The following MYCBP2 variants were observed in gnomAD, a reference collection of about 807,000 sequenced individuals.
MYCBP2 encodes the protein E3 ubiquitin-protein ligase MYCBP2.
A neutral mutation model predicts 525.3 loss-of-function variants in MYCBP2; 120 were observed. That is an observed-to-expected ratio of 0.23 (90% CI 0.20 to 0.27). MYCBP2 has a LOEUF of 0.27. Ranked by LOEUF, MYCBP2 falls within the 10% of genes least tolerant of loss-of-function variation. The pLI is 1.00. For missense variants in MYCBP2, 4,149 were observed against 5,657.1 expected (o/e 0.73, Z 8.55); for synonymous variants, 1,894 against 1,955.8 (o/e 0.97, Z 0.83).
chr13:77,294,131 C>CATATATATATATAT, intron 2 of MYCBP2, among the ~76,000 whole-genome samples: 12 of 65,700 alleles, frequency 1.8e-4, no homozygotes, highest in Admixed American at 6.1e-4. Context: ...TATATATATA[C>CATATATATATATAT]ATATATATAT....
chr13:77,285,161 T>C (rs184696058), intron 3 of MYCBP2, among the ~76,000 whole-genome samples: 4 of 152,346 alleles, frequency 2.6e-5, no homozygotes, highest in East Asian at 1.9e-4. Flanking sequence ...TAGGAATCCA[T>C]TGTTCTTGTT....
chr13:77,085,248 G>C (rs950855499), intron 62 of MYCBP2, among the ~76,000 whole-genome samples: 2 of 151,872 alleles, frequency 1.3e-5, no homozygotes, highest in Non-Finnish European at 1.5e-5. Context: ...TATTTTTCTT[G>C]TTATTGTTTT....
intron 12 of MYCBP2, 124 bp from the exon 13 acceptor site, chr13:77,260,716 C>A (rs2073128345): frequency 1.2e-6 from 1 of 827,116 alleles, no homozygotes. Flanking sequence ...TGTTTATTTT[C>A]ACAAAGGCCT....
chr13:77,211,088 C>T (rs1027815466), intron 23 of MYCBP2, 79 bp downstream of exon 23: 19 of 1,152,114 alleles, frequency 1.6e-5, no homozygotes, highest in Admixed American at 3.2e-5. Flanking sequence ...AAAAGTCCAC[C>T]TGTAAATAAA....
At chr13:77,189,741 T>C (rs1416957127) in intron 29 of MYCBP2, among the ~76,000 whole-genome samples, 2 of 152,182 alleles carry the variant, frequency 1.3e-5, no homozygotes, top group Non-Finnish European at 2.9e-5. Context: ...AATTTTTCAA[T>C]AATGTTAAAA....
chr13:77,140,965 T>C, intron 49 of MYCBP2, 22 bp from the exon 50 acceptor site: 1 of 1,526,152 alleles, frequency 6.6e-7, no homozygotes. Context: ...ATCAGAGAAC[T>C]GTAACATTTG....
At chr13:77,128,898 C>T (rs2052201956) in intron 52 of MYCBP2, among the ~76,000 whole-genome samples, 2 of 151,930 alleles carry the variant, frequency 1.3e-5, no homozygotes, top group Non-Finnish European at 2.9e-5. Context: ...TGTGAAAACA[C>T]TAATCTTAGA....
intron 1 of MYCBP2, among the ~76,000 whole-genome samples, chr13:77,316,051 GT>G: frequency 6.6e-6 from 1 of 152,150 alleles, no homozygotes; most frequent in East Asian, 1.9e-4. Flanking sequence ...ATTTGTAGTT[GT>G]TTTTCTCTCA....
intron 55 of MYCBP2, among the ~76,000 whole-genome samples, chr13:77,116,066 G>A (rs74096191): frequency 0.03 from 4,504 of 151,664 alleles, 241 homozygotes; most frequent in African/African-American, 0.1. Flanking sequence ...TATGTTTCTG[G>A]GGCAAATCAT....
At chr13:77,206,582 A>C (rs1245082622) in intron 24 of MYCBP2, 71 bp downstream of exon 24, 1 of 1,298,110 alleles carries the variant, frequency 7.7e-7, no homozygotes, top group African/African-American at 1.5e-5. Context: ...TATAAATTTA[A>C]ATACTCTAAA....
intron 55 of MYCBP2, chr13:77,109,909 AGTTTCTTATGCCT>A (rs1264274974): frequency 1.3e-5 from 2 of 152,196 alleles, no homozygotes; most frequent in African/African-American, 4.8e-5. Context: ...ATACTCTTAC[AGTTTCTTATGCCT>A]GTCTTTACTT....
chr13:77,188,114 A>C (rs892360783), intron 30 of MYCBP2, among the ~76,000 whole-genome samples: 9 of 151,958 alleles, frequency 5.9e-5, no homozygotes, highest in Non-Finnish European at 1.5e-5. Flanking sequence ...ATACACACCA[A>C]AATGTAAATA....
At chr13:77,114,377 C>T (rs1295946406) in intron 55 of MYCBP2, among the ~76,000 whole-genome samples, 1 of 152,000 alleles carries the variant, frequency 6.6e-6, no homozygotes, top group Non-Finnish European at 1.5e-5. Flanking sequence ...TATTGGGAAT[C>T]CCATTTTATA....
At chr13:77,228,230 G>A (rs147691450) in intron 18 of MYCBP2, among the ~76,000 whole-genome samples, 58 of 152,212 alleles carry the variant, frequency 3.8e-4, no homozygotes, top group African/African-American at 1.4e-3. Flanking sequence ...CTCAAGCTGG[G>A]CATGGTGGTT....
In MYCBP2 at chr13:77,097,524, C is replaced by A. The variant is rs2046438614; in HGVS notation, c.9630G>T (p.Lys3210Asn). The change falls in exon 56 of 83, where the codon AAG becomes AAT. Residue 3210 changes from lysine (K) to asparagine (N), a missense_variant. Physicochemically the swap from Lys to Asn is moderately conservative, Grantham distance 94. This residue lies in a region of MYCBP2 where 653 missense variants were observed against 744.7 expected (regional missense o/e 0.88). Coordinates refer to ENST00000544440, the MANE Select transcript of MYCBP2 (RefSeq NM_015057.5). ...GCCTAACTTCTGCCTTTTCTTTTTT[C>A]TTTTTTTCCTTTTTGGACTTCTTAT... ...KENKKSKKEK[K>N]KKEKAEVRPR... 6.2e-7 allele frequency: 1 copy of A among 1,611,752 alleles called. No individual in the cohort carries two copies. Among genetic ancestry groups the A allele is most frequent in the South Asian group, 1.1e-5 (1 of 90,924 alleles).
intron 43 of MYCBP2, among the ~76,000 whole-genome samples, chr13:77,162,803 T>G (rs550749528): frequency 3.3e-5 from 5 of 152,206 alleles, no homozygotes; most frequent in South Asian, 4.1e-4. Context: ...ACTACAGGCA[T>G]GTGCCACCAT....
chr13:77,181,943 G>GC (rs745510691), intron 32 of MYCBP2, 21 bp from the exon 33 acceptor site: 2 of 1,587,062 alleles, frequency 1.3e-6, no homozygotes, highest in African/African-American at 1.3e-5. Context: ...CAAAAATATG[G>GC]CCCCCCAACC....
Position 77,273,541 on chromosome 13 carries a change from T to G in MYCBP2, c.876A>C (p.Thr292=). The G allele has an allele frequency of 1.2e-6, 2 of 1,613,624 alleles. No individual in the cohort carries two copies. Among genetic ancestry groups the G allele is most frequent in the Non-Finnish European group, 1.7e-6 (2 of 1,179,800 alleles). The change falls in exon 5 of 83, where the codon ACA becomes ACC. Residue 292 remains threonine (T), a synonymous_variant. Coordinates refer to ENST00000544440, the MANE Select transcript of MYCBP2 (RefSeq NM_015057.5). Reference sequence around the variant, plus strand: ...CAGAGATGGCCTGAAGTGTCCTTCCTGTTTCTCCCCAAGAAGCCACCAGAC... The same window carrying G: ...CAGAGATGGCCTGAAGTGTCCTTCCGGTTTCTCCCCAAGAAGCCACCAGAC... ...LFSLVASWGE[T]GRTLQAISAI...
At position 77,326,438 on chromosome 13, in the gene MYCBP2, G is replaced by C. The variant is rs768976392; in HGVS notation, c.302+36C>G. The C allele has an allele frequency of 2.6e-6, 4 of 1,509,602 alleles. No homozygotes were observed. Among genetic ancestry groups the C allele is most frequent in the Non-Finnish European group, 3.5e-6 (4 of 1,134,004 alleles). 93.5% of individuals were successfully genotyped at this position (1,509,602 alleles called of 1,614,324 possible). A position where few individuals can be genotyped will look rare whatever the true frequency, so the allele number is the denominator to read the frequency against. On this transcript the variant is annotated intron_variant, in intron 1 of 82. Transcript: ENST00000544440. This position sits in a 1 kb window ranked among gnomAD's most constrained non-coding sequence, Gnocchi z 4.2. ...GCGGCATGGGGCGCAAGGAAGGGCGGCATGGGGCGCAAGGAAGGGCACCCT... is the reference window on the plus strand; with the variant it reads ...GCGGCATGGGGCGCAAGGAAGGGCGCCATGGGGCGCAAGGAAGGGCACCCT...
Sources: gnomAD v4.1 joint callset for allele counts (sites outside exome capture counted in the v4.1 genomes callset) on GRCh38, gnomAD v4.1.1 for gene constraint, gnomAD v4.1.1 regional missense constraint, Gnocchi (gnomAD v3.1) non-coding constraint, MANE v1.5 for transcripts, NCBI Gene and HGNC (gene_info 2026-07-23, HGNC 2026-07-21) for gene names.